REEP1: variants seen among roughly 807,000 people sequenced by gnomAD.
The protein encoded by REEP1 is receptor expression-enhancing protein 1.
REEP1 carries 22 observed loss-of-function variants against 40.3 expected under a neutral mutation model. That is an observed-to-expected ratio of 0.55 (90% CI 0.39 to 0.78). The LOEUF (loss-of-function observed/expected upper bound fraction) is 0.78, where lower values mean the gene tolerates loss of function less well. Ranked by LOEUF, REEP1 falls within the 30% of genes least tolerant of loss-of-function variation. The pLI is 0.00. For synonymous variants in REEP1, 116 were observed against 139.2 expected, an observed-to-expected ratio of 0.83 and a Z score of 1.17; for missense variants, 280 against 361.1, an observed-to-expected ratio of 0.78 and a Z score of 1.82.
At chr2:86,304,102 A>G (rs1464944271) in intron 1 of REEP1, among the ~76,000 whole-genome samples, 2 of 152,214 alleles carry the variant, frequency 1.3e-5, no homozygotes, top group African/African-American at 4.8e-5. Flanking sequence ...AAAGCAGTTT[A>G]CAACCCAGGC....
At chr2:86,274,989 G>A (rs915905841) in intron 2 of REEP1, among the ~76,000 whole-genome samples, 1 of 152,156 alleles carries the variant, frequency 6.6e-6, no homozygotes, top group East Asian at 1.9e-4. Context: ...CTCCCTATGG[G>A]CTGCAGAGGA....
At chr2:86,231,826 C>T (rs930644355) in intron 6 of REEP1, among the ~76,000 whole-genome samples, 6 of 152,174 alleles carry the variant, frequency 3.9e-5, no homozygotes, top group Admixed American at 6.5e-5. Flanking sequence ...GCCTGAAACC[C>T]GTGCTGGTGG....
chr2:86,226,114 C>T (rs866696314), intron 7 of REEP1, among the ~76,000 whole-genome samples: 23 of 140,754 alleles, frequency 1.6e-4, no homozygotes, highest in African/African-American at 6.1e-4. Flanking sequence ...ACCACCACCA[C>T]CATCATCACC....
At chr2:86,302,285 A>G (rs1447915697) in intron 1 of REEP1, among the ~76,000 whole-genome samples, 1 of 152,226 alleles carries the variant, frequency 6.6e-6, no homozygotes, top group Admixed American at 6.5e-5. Context: ...GTTTTTCTCT[A>G]CAACCTGGCT....
At chr2:86,327,757 C>T (rs924983557) in intron 1 of REEP1, among the ~76,000 whole-genome samples, 18 of 152,002 alleles carry the variant, frequency 1.2e-4, no homozygotes, top group African/African-American at 3.1e-4. Flanking sequence ...TTAGTGCAGA[C>T]GGGATTTCAC....
intron 1 of REEP1, among the ~76,000 whole-genome samples, chr2:86,291,521 G>A (rs1316947010): frequency 6.6e-6 from 1 of 152,082 alleles, no homozygotes; most frequent in Non-Finnish European, 1.5e-5. Flanking sequence ...AGATTTGAGA[G>A]AGTGAACACA....
chr2:86,267,805 G>C (rs1395782677), intron 2 of REEP1, among the ~76,000 whole-genome samples: 1 of 151,574 alleles, frequency 6.6e-6, no homozygotes, highest in Admixed American at 6.6e-5. Context: ...TCATTCATCT[G>C]ATAAGGTACT....
intron 5 of REEP1, among the ~76,000 whole-genome samples, chr2:86,248,509 G>A (rs577263557): frequency 2.0e-5 from 3 of 152,104 alleles, no homozygotes; most frequent in African/African-American, 7.2e-5. Context: ...GTGCAGTGGC[G>A]TGATCATGGT....
upstream of REEP1, among the ~76,000 whole-genome samples, chr2:86,337,836 C>A (rs1030640766): frequency 1.3e-5 from 2 of 151,982 alleles, no homozygotes; most frequent in South Asian, 4.1e-4. The surrounding 1 kb of genome is among the most constrained non-coding windows in gnomAD (Gnocchi z 5.8). Flanking sequence ...CCCGGGGCAC[C>A]GGCCCCGCCA....
At chr2:86,234,467 G>A (rs143144765) in intron 5 of REEP1, among the ~76,000 whole-genome samples, 11 of 152,180 alleles carry the variant, frequency 7.2e-5, no homozygotes, top group Non-Finnish European at 1.6e-4. Flanking sequence ...GCAGTGAGCC[G>A]GGATCATACC....
At chr2:86,217,345 C>G (rs1267196279) in intron 8 of REEP1, among the ~76,000 whole-genome samples, 1 of 152,176 alleles carries the variant, frequency 6.6e-6, no homozygotes, top group Non-Finnish European at 1.5e-5. Context: ...AAATTATGCT[C>G]CTCAATCTCC....
intron 5 of REEP1, among the ~76,000 whole-genome samples, chr2:86,236,217 CAA>C (rs397829762): frequency 2.2e-5 from 3 of 138,646 alleles, no homozygotes; most frequent in Non-Finnish European, 3.2e-5. Flanking sequence ...AACTTCATCT[CAA>C]AAAAAAAAAA....
intron 1 of REEP1, among the ~76,000 whole-genome samples, chr2:86,313,635 T>A (rs146386678): frequency 2.0e-4 from 31 of 152,326 alleles, no homozygotes; most frequent in Middle Eastern, 6.8e-3. Flanking sequence ...TGAGCCTCGG[T>A]TTCCTCTCTG....
intron 1 of REEP1, among the ~76,000 whole-genome samples, chr2:86,335,973 C>A (rs1463404295): frequency 6.7e-6 from 1 of 149,640 alleles, no homozygotes; most frequent in African/African-American, 2.4e-5. Flanking sequence ...TGCCCTCACT[C>A]CCAGCCCAGC....
At chr2:86,226,075 TCACCACCACCAC>T (rs70956105) in intron 7 of REEP1, among the ~76,000 whole-genome samples, 74 of 111,884 alleles carry the variant, frequency 6.6e-4, no homozygotes, top group South Asian at 5.7e-3. Context: ...CTCCAGGCTA[TCACCACCACCAC>T]CACCACCACC....
chr2:86,285,754 G>C (rs1678352925), intron 1 of REEP1, among the ~76,000 whole-genome samples: 1 of 152,196 alleles, frequency 6.6e-6, no homozygotes, highest in South Asian at 2.1e-4. Flanking sequence ...CCCTTTAAGT[G>C]GGTGCTTGAA....
chr2:86,325,469 A>C (rs1487004864), intron 1 of REEP1, among the ~76,000 whole-genome samples: 1 of 152,196 alleles, frequency 6.6e-6, no homozygotes, highest in Non-Finnish European at 1.5e-5. Flanking sequence ...GGGACTTTGC[A>C]GGTAGAATTA....
chr2:86,215,429 G>A lies in REEP1; in HGVS notation c.*1610C>T, dbSNP rs1363299384. On this transcript the variant is annotated 3_prime_UTR_variant, in exon 9 of 9. Transcript: ENST00000538924. ...AAGGCCTCTAATATGTGTTTGCGTA[G>A]TAATGGAACAGTTTTTAATTGGGCC... 1 of 152,528 alleles carries A rather than the reference G, an allele frequency of 6.6e-6. No individual in the cohort carries two copies. Among genetic ancestry groups the A allele is most frequent in the South Asian group, 2.1e-4 (1 of 4,828 alleles). 9.4% of individuals were successfully genotyped at this position (152,528 alleles called of 1,614,324 possible).
intron 1 of REEP1, among the ~76,000 whole-genome samples, chr2:86,312,634 C>T (rs1040859729): frequency 1.6e-4 from 24 of 152,178 alleles, no homozygotes; most frequent in African/African-American, 5.5e-4. Context: ...GAGACCCTGT[C>T]TCCAAAAAAA....
Sources: gnomAD v4.1 joint callset for allele counts (sites outside exome capture counted in the v4.1 genomes callset) on GRCh38, gnomAD v4.1.1 for gene constraint, Gnocchi (gnomAD v3.1) non-coding constraint, MANE v1.5 for transcripts, NCBI Gene and HGNC (gene_info 2026-07-23, HGNC 2026-07-21) for gene names.